SOX6: variants seen among roughly 807,000 people sequenced by gnomAD.
SOX6 encodes transcription factor SOX-6.
A neutral mutation model predicts 97.8 loss-of-function variants in SOX6; 11 were observed. The ratio of observed to expected loss-of-function variants is 0.11; its 90% CI spans 0.07 to 0.19. The LOEUF (loss-of-function observed/expected upper bound fraction) is 0.19. Among genes scored for constraint, SOX6 ranks in the 10% least tolerant of loss-of-function variants. SOX6 has a pLI of 1.00. For synonymous variants in SOX6, 360 were observed against 371.4 expected (o/e 0.97, Z 0.35); for missense variants, 810 against 1,039.5 (o/e 0.78, Z 3.04).
intron 3 of SOX6, among the ~76,000 whole-genome samples, chr11:16,638,669 G>C (rs1004016253): frequency 6.6e-6 from 1 of 152,214 alleles, no homozygotes; most frequent in Non-Finnish European, 1.5e-5. Flanking sequence ...CTGATGGCCA[G>C]TGATGATGAG....
intron 3 of SOX6, chr11:16,317,081 C>T (rs1180704842): frequency 1.3e-5 from 2 of 151,698 alleles, no homozygotes; most frequent in Non-Finnish European, 2.9e-5. Flanking sequence ...CCAACACACA[C>T]ACCAAAAAAA....
chr11:16,307,726 T>A (rs980066339), intron 3 of SOX6, among the ~76,000 whole-genome samples: 2 of 152,208 alleles, frequency 1.3e-5, no homozygotes, highest in African/African-American at 4.8e-5. Flanking sequence ...ATTAGCATAA[T>A]AATTCTGCTG....
At chr11:16,009,112 G>C (rs1010166926) in intron 13 of SOX6, among the ~76,000 whole-genome samples, 1 of 151,992 alleles carries the variant, frequency 6.6e-6, no homozygotes, top group Non-Finnish European at 1.5e-5. Flanking sequence ...ATCTTTTTAC[G>C]TGTATAATTT....
chr11:16,289,127 A>T (rs1854833931), intron 3 of SOX6, among the ~76,000 whole-genome samples: 1 of 151,990 alleles, frequency 6.6e-6, no homozygotes, highest in South Asian at 2.1e-4. Flanking sequence ...CCAAGAAAAA[A>T]ATTTTCCATT....
chr11:16,087,061 A>T (rs570150090), intron 9 of SOX6, among the ~76,000 whole-genome samples: 1 of 152,304 alleles, frequency 6.6e-6, no homozygotes, highest in East Asian at 1.9e-4. Context: ...CATCTATTAC[A>T]GTCCTATTTT....
intron 2 of SOX6, among the ~76,000 whole-genome samples, chr11:16,727,454 G>T (rs1848315418): frequency 6.6e-6 from 1 of 150,698 alleles, no homozygotes. Flanking sequence ...TTTTGAGATG[G>T]AATCTCGCTG....
At chr11:16,393,898 A>C (rs1858264752) in intron 1 of SOX6, among the ~76,000 whole-genome samples, 1 of 151,952 alleles carries the variant, frequency 6.6e-6, no homozygotes, top group Non-Finnish European at 1.5e-5. Context: ...CCTAACTTAC[A>C]ATCTTAATCT....
chr11:16,388,860 C>T (rs1370263875), intron 1 of SOX6, among the ~76,000 whole-genome samples: 2 of 151,970 alleles, frequency 1.3e-5, no homozygotes, highest in African/African-American at 4.8e-5. Context: ...TTGCATTTAT[C>T]TTGCTTGGAG....
chr11:15,983,540 T>C (rs1192467086), intron 15 of SOX6, among the ~76,000 whole-genome samples: 2 of 152,170 alleles, frequency 1.3e-5, no homozygotes, highest in Admixed American at 6.5e-5. Flanking sequence ...AATTTTTGTT[T>C]GTTTTTTGCT....
intron 1 of SOX6, among the ~76,000 whole-genome samples, chr11:16,423,722 C>A (rs566516953): frequency 2.6e-5 from 4 of 152,196 alleles, no homozygotes; most frequent in Admixed American, 2.0e-4. Context: ...TAGAGTTAAA[C>A]AGGCAGAACT....
At chr11:16,499,130 A>G (rs1439314067) in intron 4 of SOX6, among the ~76,000 whole-genome samples, 2 of 152,250 alleles carry the variant, frequency 1.3e-5, no homozygotes, top group Non-Finnish European at 2.9e-5. Context: ...AGTGCAATCA[A>G]ACTAGAACTC....
At chr11:16,641,551 A>G (rs1008735690) in intron 3 of SOX6, among the ~76,000 whole-genome samples, 2 of 152,158 alleles carry the variant, frequency 1.3e-5, no homozygotes, top group African/African-American at 4.8e-5. Flanking sequence ...AAGTCTCTTT[A>G]TAGGTCTCTA....
chr11:16,103,002 C>T (rs183338156), intron 7 of SOX6, among the ~76,000 whole-genome samples: 2 of 151,808 alleles, frequency 1.3e-5, no homozygotes, highest in Non-Finnish European at 2.9e-5. Flanking sequence ...AAAGCAAATG[C>T]AACAAAAGCA....
At chr11:16,032,013 A>C (rs557985225) in intron 12 of SOX6, among the ~76,000 whole-genome samples, 9 of 152,184 alleles carry the variant, frequency 5.9e-5, no homozygotes, top group Admixed American at 1.3e-4. Context: ...ATATGAATTT[A>C]CTCTATCTGA....
chr11:16,137,426 C>A (rs1340039228), intron 6 of SOX6, among the ~76,000 whole-genome samples: 1 of 151,862 alleles, frequency 6.6e-6, no homozygotes, highest in Non-Finnish European at 1.5e-5. Flanking sequence ...ACTCTCTCTC[C>A]AATAAATAAA....
At chr11:16,342,278 G>T (rs1404561770) in intron 1 of SOX6, among the ~76,000 whole-genome samples, 1 of 151,936 alleles carries the variant, frequency 6.6e-6, no homozygotes, top group Non-Finnish European at 1.5e-5. Flanking sequence ...CACTGAAAGT[G>T]TATAACTTAA....
chr11:16,054,196 G>T (rs1847756214), intron 10 of SOX6, among the ~76,000 whole-genome samples: 1 of 152,096 alleles, frequency 6.6e-6, no homozygotes, highest in South Asian at 2.1e-4. Flanking sequence ...GTTCCAGTTG[G>T]TCAACTTACT....
chr11:16,227,440 G>GTT (rs902406333), intron 4 of SOX6, among the ~76,000 whole-genome samples: 1 of 142,120 alleles, frequency 7.0e-6, no homozygotes. Flanking sequence ...AATTTTTAAT[G>GTT]TTTTTTTTTT....
intron 4 of SOX6, among the ~76,000 whole-genome samples, chr11:16,551,431 CTA>C (rs1847685023): frequency 6.6e-6 from 1 of 151,878 alleles, no homozygotes; most frequent in East Asian, 1.9e-4. Context: ...TAAAAAGAGT[CTA>C]AACACTATAA....
Sources: gnomAD v4.1 joint callset for allele counts (sites outside exome capture counted in the v4.1 genomes callset) on GRCh38, gnomAD v4.1.1 for gene constraint, MANE v1.5 for transcripts, NCBI Gene and HGNC (gene_info 2026-07-23, HGNC 2026-07-21) for gene names.